The following RASAL2 variants were observed in gnomAD, a reference collection of about 807,000 sequenced individuals.
RASAL2 encodes ras GTPase-activating protein nGAP.
A neutral mutation model predicts 128.9 loss-of-function variants in RASAL2; 58 were observed. The observed-to-expected ratio is 0.45, with a 90% CI of 0.36 to 0.56. The LOEUF is 0.56. Ranked by LOEUF, RASAL2 falls within the 20% of genes least tolerant of loss-of-function variation. The probability of loss-of-function intolerance (pLI) is 0.00; values close to 1 mark genes in which losing one functional copy is unlikely to be tolerated. For missense variants in RASAL2, 1,360 were observed against 1,601.6 expected (o/e 0.85, Z 2.57); for synonymous variants, 561 against 580.8 (o/e 0.97, Z 0.49).
intron 3 of RASAL2, among the ~76,000 whole-genome samples, chr1:178,342,464 C>G (rs966460653): frequency 6.6e-6 from 1 of 152,138 alleles, no homozygotes; most frequent in African/African-American, 2.4e-5. Flanking sequence ...CATCATAAAC[C>G]TAGATTGAAA....
At chr1:178,157,372 A>G (rs528279009) in intron 1 of RASAL2, among the ~76,000 whole-genome samples, 1 of 152,194 alleles carries the variant, frequency 6.6e-6, no homozygotes, top group Non-Finnish European at 1.5e-5. Context: ...TTTGTTTAAC[A>G]GTGGTGTCCA....
chr1:178,254,680 C>G (rs1208320249), intron 1 of RASAL2, among the ~76,000 whole-genome samples: 1 of 152,170 alleles, frequency 6.6e-6, no homozygotes, highest in African/African-American at 2.4e-5. Context: ...CATCTTTCCT[C>G]AGCTCCTTGT....
intron 1 of RASAL2, among the ~76,000 whole-genome samples, chr1:178,274,880 C>T (rs755224294): frequency 2.0e-5 from 3 of 152,136 alleles, no homozygotes; most frequent in Admixed American, 6.6e-5. Flanking sequence ...CATGAGCCAC[C>T]GTGCTTGGCT....
intron 2 of RASAL2, among the ~76,000 whole-genome samples, chr1:178,299,093 CAG>C: frequency 6.6e-6 from 1 of 152,006 alleles, no homozygotes; most frequent in African/African-American, 2.4e-5. Context: ...GAAATTATGT[CAG>C]AAAAAATGTT....
chr1:178,412,482 A>G (rs542764634), intron 4 of RASAL2, among the ~76,000 whole-genome samples: 22 of 152,288 alleles, frequency 1.4e-4, no homozygotes, highest in Admixed American at 3.3e-4. Flanking sequence ...GGTTAAAACT[A>G]TGCTTCATTT....
At chr1:178,328,084 T>C (rs1049900585) in intron 3 of RASAL2, among the ~76,000 whole-genome samples, 5 of 152,116 alleles carry the variant, frequency 3.3e-5, no homozygotes, top group African/African-American at 9.7e-5. Flanking sequence ...ATTTCCTTTG[T>C]TTTTTAAGTT....
At chr1:178,419,336 C>T (rs1211896065) in intron 4 of RASAL2, among the ~76,000 whole-genome samples, 1 of 152,106 alleles carries the variant, frequency 6.6e-6, no homozygotes, top group Non-Finnish European at 1.5e-5. Context: ...TGCTGTGGTA[C>T]AGTCATCACT....
chr1:178,194,903 A>G (rs1662610087), intron 1 of RASAL2, among the ~76,000 whole-genome samples: 1 of 152,240 alleles, frequency 6.6e-6, no homozygotes, highest in Non-Finnish European at 1.5e-5. Context: ...TCATGTTCAA[A>G]TGATGAAAAA....
At chr1:178,350,660 A>G (rs1447457955) in intron 3 of RASAL2, among the ~76,000 whole-genome samples, 2 of 152,164 alleles carry the variant, frequency 1.3e-5, no homozygotes, top group Non-Finnish European at 2.9e-5. Flanking sequence ...AAACTTGTTC[A>G]GGTTGTCAGC....
At chr1:178,352,955 C>G (rs1394141512) in intron 3 of RASAL2, among the ~76,000 whole-genome samples, 1 of 152,244 alleles carries the variant, frequency 6.6e-6, no homozygotes, top group Non-Finnish European at 1.5e-5. Flanking sequence ...CATGGGGCAG[C>G]AGACCCTGGG....
intron 3 of RASAL2, among the ~76,000 whole-genome samples, chr1:178,353,334 A>G (rs1362602263): frequency 6.6e-6 from 1 of 152,202 alleles, no homozygotes; most frequent in Non-Finnish European, 1.5e-5. Flanking sequence ...GATATACTAA[A>G]TCATCACGCT....
intron 14 of RASAL2, among the ~76,000 whole-genome samples, chr1:178,460,830 T>TGGGAA (rs1678143899): frequency 6.6e-6 from 1 of 152,184 alleles, no homozygotes; most frequent in African/African-American, 2.4e-5. Context: ...TTTTATTTTT[T>TGGGAA]TGAAACAGAG....
intron 2 of RASAL2, among the ~76,000 whole-genome samples, chr1:178,297,907 C>A (rs984364914): frequency 6.6e-6 from 1 of 151,952 alleles, no homozygotes; most frequent in Non-Finnish European, 1.5e-5. Flanking sequence ...TTGGATATGG[C>A]GTTTATAAAT....
chr1:178,272,946 T>C (rs1666327291), intron 1 of RASAL2, among the ~76,000 whole-genome samples: 2 of 151,012 alleles, frequency 1.3e-5, no homozygotes, highest in Admixed American at 1.3e-4. Context: ...AAAAAAAAAA[T>C]CCAAATATTT....
chr1:178,381,895 A>T (rs1672307068), intron 3 of RASAL2, among the ~76,000 whole-genome samples: 1 of 152,192 alleles, frequency 6.6e-6, no homozygotes, highest in African/African-American at 2.4e-5. Flanking sequence ...ATTAGAAGAG[A>T]TAGTTGATGA....
chr1:178,382,240 A>G (rs1017422822), intron 3 of RASAL2, among the ~76,000 whole-genome samples: 2 of 151,958 alleles, frequency 1.3e-5, no homozygotes, highest in African/African-American at 2.4e-5. Flanking sequence ...TTTTGTTCAC[A>G]TTTTTTCACC....
At chr1:178,262,943 C>T (rs1057392659) in intron 1 of RASAL2, among the ~76,000 whole-genome samples, 2 of 151,908 alleles carry the variant, frequency 1.3e-5, no homozygotes, top group East Asian at 1.9e-4. Context: ...AGCCAAAAGG[C>T]TCTGGATTTG....
chr1:178,410,116 G>C (rs1389415006), intron 4 of RASAL2, among the ~76,000 whole-genome samples: 2 of 152,098 alleles, frequency 1.3e-5, no homozygotes. Flanking sequence ...AAAAAACAAG[G>C]GACAGGGAGA....
chr1:178,314,649 A>G (rs141343788), intron 3 of RASAL2, among the ~76,000 whole-genome samples: 203 of 152,216 alleles, frequency 1.3e-3, no homozygotes, highest in African/African-American at 4.0e-3. Context: ...ACTGAGATTC[A>G]GTATTTTTAG....
Sources: allele counts gnomAD v4.1 joint callset (sites outside exome capture counted in the v4.1 genomes callset), GRCh38; gene constraint gnomAD v4.1.1; transcripts MANE v1.5; gene names NCBI Gene and HGNC (gene_info 2026-07-23, HGNC 2026-07-21).